Variants in RBFOX1 observed in about 807,000 individuals in gnomAD.
The protein encoded by RBFOX1 is RNA binding protein fox-1 homolog 1.
Under a neutral mutation model 57.7 loss-of-function variants are expected in RBFOX1, and 8 were observed. That is an observed-to-expected ratio of 0.14 (90% CI 0.08 to 0.25). RBFOX1 has a LOEUF of 0.25. RBFOX1 is among the 10% of genes least tolerant of loss of function. RBFOX1 has a pLI of 1.00. For synonymous variants in RBFOX1, 326 were observed against 222.4 expected (o/e 1.47, Z -4.15); for missense variants, 611 against 548.5 (o/e 1.11, Z -1.14).
At chr16:6,209,547 T>A (rs1226178199) in intron 1 of RBFOX1, among the ~76,000 whole-genome samples, 1 of 152,244 alleles carries the variant, frequency 6.6e-6, no homozygotes. Context: ...TCAAACATAA[T>A]TAAGCAGTAA....
At chr16:6,923,186 G>T (rs1340846514) in intron 3 of RBFOX1, among the ~76,000 whole-genome samples, 1 of 152,118 alleles carries the variant, frequency 6.6e-6, no homozygotes, top group African/African-American at 2.4e-5. Context: ...CCCTGCTCCT[G>T]GTCTTCAGTT....
At chr16:6,659,971 C>G (rs560773117) in intron 3 of RBFOX1, among the ~76,000 whole-genome samples, 97 of 152,184 alleles carry the variant, frequency 6.4e-4, no homozygotes, top group African/African-American at 2.3e-3. Context: ...TGGCTCATGC[C>G]TGTAATCCCA....
intron 4 of RBFOX1, among the ~76,000 whole-genome samples, chr16:7,360,987 G>T (rs2097309302): frequency 1.3e-5 from 2 of 152,154 alleles, no homozygotes; most frequent in Non-Finnish European, 2.9e-5. Flanking sequence ...CAGCCTCTGT[G>T]TGCCATGATG....
At chr16:7,593,732 T>A (rs986801589) in intron 7 of RBFOX1, among the ~76,000 whole-genome samples, 1 of 152,068 alleles carries the variant, frequency 6.6e-6, no homozygotes, top group African/African-American at 2.4e-5. Flanking sequence ...AGAGGGCTGA[T>A]TTTCTTCTAT....
intron 1 of RBFOX1, among the ~76,000 whole-genome samples, chr16:6,203,478 A>C: frequency 6.6e-6 from 1 of 152,132 alleles, no homozygotes; most frequent in East Asian, 1.9e-4. Flanking sequence ...TTCTTTATCC[A>C]TTCATTGTTG....
intron 3 of RBFOX1, among the ~76,000 whole-genome samples, chr16:5,797,088 A>T (rs1174042546): frequency 2.0e-5 from 3 of 152,320 alleles, no homozygotes; most frequent in African/African-American, 7.2e-5. Flanking sequence ...GTAGATGGGG[A>T]TGGTGAGGTC....
chr16:5,964,497 AATGGTGGATGAATGG>A, intron 4 of RBFOX1, among the ~76,000 whole-genome samples: 1 of 152,330 alleles, frequency 6.6e-6, no homozygotes, highest in South Asian at 2.1e-4. Context: ...CTAAGAGTCC[AATGGTGGATGAATGG>A]ATATGGAAAA....
intron 1 of RBFOX1, among the ~76,000 whole-genome samples, chr16:6,066,826 C>T (rs1213230211): frequency 6.6e-6 from 1 of 152,152 alleles, no homozygotes; most frequent in African/African-American, 2.4e-5. Context: ...GCCCTCCACT[C>T]AGAGGTAGAG....
intron 2 of RBFOX1, among the ~76,000 whole-genome samples, chr16:6,509,655 T>A (rs983819098): frequency 6.6e-6 from 1 of 152,198 alleles, no homozygotes; most frequent in Admixed American, 6.6e-5. Context: ...AAAAAAAATT[T>A]AAGTGTACAT....
At chr16:6,294,652 G>A (rs1335933778) in intron 1 of RBFOX1, among the ~76,000 whole-genome samples, 1 of 152,166 alleles carries the variant, frequency 6.6e-6, no homozygotes, top group African/African-American at 2.4e-5. Flanking sequence ...TAAAGTAACT[G>A]GATGATGAAG....
intron 4 of RBFOX1, among the ~76,000 whole-genome samples, chr16:7,383,340 A>T (rs1190926453): frequency 6.6e-6 from 1 of 152,122 alleles, no homozygotes; most frequent in Non-Finnish European, 1.5e-5. Flanking sequence ...GCTTGGACAA[A>T]ATTAGGCTCC....
At chr16:5,333,616 T>C (rs2064818910) in intron 1 of RBFOX1, among the ~76,000 whole-genome samples, 1 of 152,212 alleles carries the variant, frequency 6.6e-6, no homozygotes, top group Non-Finnish European at 1.5e-5. Flanking sequence ...TGTACTGTCA[T>C]ATGTCGCATA....
chr16:7,482,651 A>T (rs574621009), intron 4 of RBFOX1, among the ~76,000 whole-genome samples: 1 of 147,740 alleles, frequency 6.8e-6, no homozygotes, highest in East Asian at 2.0e-4. Flanking sequence ...GAGGAAGAAG[A>T]TGCTGTGACA....
chr16:6,694,706 A>G (rs2154136157), intron 3 of RBFOX1, among the ~76,000 whole-genome samples: 1 of 152,288 alleles, frequency 6.6e-6, no homozygotes, highest in South Asian at 2.1e-4. Flanking sequence ...CAGCTCTATC[A>G]TATCCTCCCA....
At chr16:7,033,913 G>A (rs935186203) in intron 3 of RBFOX1, among the ~76,000 whole-genome samples, 3 of 152,210 alleles carry the variant, frequency 2.0e-5, no homozygotes, top group African/African-American at 7.2e-5. Context: ...AAGCTGCAGT[G>A]AGCTATGATT....
At position 5,964,064 on chromosome 16, in the gene RBFOX1, C is replaced by G. The variant is rs547528857; in HGVS notation, c.351+96729C>G. Among the ~76,000 whole-genome samples, 19 of 152,116 alleles carry G rather than the reference C, an allele frequency of 1.2e-4. No homozygotes were observed. The Middle Eastern group carries it at 0.01, about 82-fold the overall frequency. On this transcript the variant is annotated intron_variant, in intron 4 of 19. Transcript: ENST00000641259. ...GTAGTACAACTCAGTAGCAAAAAGC[C>G]AATAGCCAGATTTTTAAAAATAGAC... is the stretch of plus-strand genomic sequence containing the variant.
At chr16:5,511,102 A>G (rs1418634034) in intron 2 of RBFOX1, among the ~76,000 whole-genome samples, 2 of 152,220 alleles carry the variant, frequency 1.3e-5, no homozygotes, top group Non-Finnish European at 2.9e-5. Flanking sequence ...TTGTTTTGCC[A>G]GATTGTCTTC....
chr16:5,752,101 A>T (rs555957797), intron 3 of RBFOX1, among the ~76,000 whole-genome samples: 159 of 152,360 alleles, frequency 1.0e-3, no homozygotes, highest in Non-Finnish European at 1.9e-3. Context: ...AAAAAAAAGA[A>T]CGAGATCATG....
At chr16:7,020,127 G>C (rs990195439) in intron 3 of RBFOX1, among the ~76,000 whole-genome samples, 1 of 152,038 alleles carries the variant, frequency 6.6e-6, no homozygotes, top group African/African-American at 2.4e-5. Flanking sequence ...TCATGTCTCA[G>C]GCCAGGTGCG....
Sources: allele counts gnomAD v4.1 joint callset (sites outside exome capture counted in the v4.1 genomes callset), GRCh38; gene constraint gnomAD v4.1.1; transcripts MANE v1.5; gene names NCBI Gene and HGNC (gene_info 2026-07-23, HGNC 2026-07-21).